Variants in ZCCHC14 observed in about 807,000 individuals in gnomAD.
ZCCHC14 encodes the protein zinc finger CCHC domain-containing protein 14.
Under a neutral mutation model 85.0 loss-of-function variants are expected in ZCCHC14, and 16 were observed. That is an observed-to-expected ratio of 0.19 (90% CI 0.13 to 0.29). ZCCHC14 has a LOEUF of 0.29. Ranked by LOEUF, ZCCHC14 falls within the 10% of genes least tolerant of loss-of-function variation. ZCCHC14 has a pLI of 1.00. For synonymous variants in ZCCHC14, 775 were observed against 630.7 expected (o/e 1.23, Z -3.43); for missense variants, 1,303 against 1,443.5 (o/e 0.90, Z 1.58).
intron 9 of ZCCHC14, 111 bp downstream of exon 9, chr16:87,415,165 G>A: frequency 3.7e-6 from 3 of 811,340 alleles, no homozygotes; most frequent in South Asian, 3.1e-5. Context: ...GACTGGATAA[G>A]CAACAGGAAC....
chr16:87,452,702 G>A (rs977659821), intron 2 of ZCCHC14, among the ~76,000 whole-genome samples: 1 of 152,174 alleles, frequency 6.6e-6, no homozygotes, highest in Non-Finnish European at 1.5e-5. Flanking sequence ...GGAGTTTGGG[G>A]CAGGGCAGTC....
chr16:87,435,283 G>A (rs1308779169), intron 2 of ZCCHC14, among the ~76,000 whole-genome samples: 1 of 152,152 alleles, frequency 6.6e-6, no homozygotes, highest in Non-Finnish European at 1.5e-5. Context: ...AAAATTAAAC[G>A]TTCAACCCCC....
intron 3 of ZCCHC14, among the ~76,000 whole-genome samples, chr16:87,424,736 G>C (rs1169610371): frequency 6.6e-6 from 1 of 152,108 alleles, no homozygotes; most frequent in African/African-American, 2.4e-5. Context: ...GCATGGAGAA[G>C]AGCTTGGGTT....
intron 2 of ZCCHC14, among the ~76,000 whole-genome samples, chr16:87,447,235 A>G (rs1303212223): frequency 2.6e-5 from 4 of 151,332 alleles, no homozygotes; most frequent in Non-Finnish European, 5.9e-5. Flanking sequence ...GGCCAGGGGG[A>G]ACTAAGCAGG....
At chr16:87,463,125 T>C (rs1911353577) in intron 1 of ZCCHC14, among the ~76,000 whole-genome samples, 1 of 152,080 alleles carries the variant, frequency 6.6e-6, no homozygotes. Flanking sequence ...TTCACACCTG[T>C]AACTCCAGCA....
intron 4 of ZCCHC14, among the ~76,000 whole-genome samples, chr16:87,421,503 C>G (rs944638253): frequency 2.0e-5 from 3 of 152,138 alleles, no homozygotes; most frequent in Non-Finnish European, 2.9e-5. Flanking sequence ...ACCCCGAAGC[C>G]CAGGCACACA....
intron 1 of ZCCHC14, among the ~76,000 whole-genome samples, chr16:87,462,833 G>C (rs1363682470): frequency 6.6e-6 from 1 of 152,158 alleles, no homozygotes; most frequent in South Asian, 2.1e-4. Context: ...ACTTTGGGAG[G>C]CCGAGGCAGG....
rs529496313 is a variant in ZCCHC14, at chr16:87,417,716, G to A, written c.1127C>T (p.Pro376Leu). 2.3e-5 allele frequency: 37 copies of A among 1,602,232 alleles called. No individual in the cohort carries two copies. Among genetic ancestry groups the A allele is most frequent in the South Asian group, 4.4e-5 (4 of 90,404 alleles). Residue 376 changes from proline to leucine, a missense_variant, in exon 8 of 13, where the codon CCG (proline) becomes CTG (leucine). Pro to Leu is a moderately conservative substitution (Grantham distance 98, BLOSUM62 -3). Around this residue, in one of 7 missense-constraint regions of ZCCHC14, gnomAD observed 389 missense variants for 397.8 expected, o/e 0.98. Transcript: ENST00000671377. ...GTGCTGGGCTCCGCTCTGCGAGGAC[G>A]GGATACCAGCCACTCCACACACAGG... is the stretch of plus-strand genomic sequence containing the variant. ...GRPVCGVAGI[P>L]SSQSGAQHHG...
intron 2 of ZCCHC14, among the ~76,000 whole-genome samples, chr16:87,439,702 T>C (rs1229917223): frequency 6.6e-6 from 1 of 152,232 alleles, no homozygotes; most frequent in African/African-American, 2.4e-5. Context: ...AAACACATCT[T>C]ACAAGTTACA....
At chr16:87,476,209 G>A (rs967568144) in intron 1 of ZCCHC14, among the ~76,000 whole-genome samples, 2 of 152,086 alleles carry the variant, frequency 1.3e-5, no homozygotes, top group Non-Finnish European at 2.9e-5. Context: ...CTACACTCCC[G>A]AAAATACTAA....
chr16:87,482,486 C>T (rs1344163476), intron 1 of ZCCHC14, among the ~76,000 whole-genome samples: 1 of 152,166 alleles, frequency 6.6e-6, no homozygotes, highest in African/African-American at 2.4e-5. Context: ...AGCCACCATC[C>T]GGGGCAGGCG....
rs371380126 is a variant in ZCCHC14, at chr16:87,447,165, T to C, written c.694+12843A>G. 3.9e-5 allele frequency among the ~76,000 whole-genome samples: 6 copies of C among 152,128 alleles called. No homozygotes were observed. The East Asian group carries it at 7.7e-4, about 20-fold the overall frequency. The stretch of plus-strand genomic sequence containing the variant: ...TTGGGGCAGAGCCTTATAAGACACA[T>C]ACATATTCTTAAAGATGGCGGAAGA... On this transcript the variant is annotated intron_variant, in intron 2 of 12. Coordinates refer to ENST00000671377, the MANE Select transcript of ZCCHC14 (RefSeq NM_015144.3).
Position 87,412,595 on chromosome 16 carries a change from A to G in ZCCHC14, c.2126T>C (p.Val709Ala). 4.3e-6 allele frequency: 7 copies of G among 1,614,198 alleles called. No homozygotes were observed. Among genetic ancestry groups the G allele is most frequent in the Non-Finnish European group, 4.2e-6 (5 of 1,180,046 alleles). Residue 709 changes from valine to alanine, a missense_variant, in exon 12 of 13, where the codon GTG becomes GCG. Around this residue, in one of 7 missense-constraint regions of ZCCHC14, gnomAD observed 797 missense variants for 730.8 expected, o/e 1.09. Coordinates refer to ENST00000671377, the MANE Select transcript of ZCCHC14 (RefSeq NM_015144.3). ...VLPASAPHQP[V>A]QVLSGLSESS... Reference sequence around the variant, plus strand: ...CTCCGAAAGCCCAGAGAGGACCTGCACAGGCTGGTGGGGTGCGGACGCGGG... The same window carrying G: ...CTCCGAAAGCCCAGAGAGGACCTGCGCAGGCTGGTGGGGTGCGGACGCGGG...
intron 1 of ZCCHC14, among the ~76,000 whole-genome samples, chr16:87,474,558 A>G (rs975484644): frequency 6.6e-6 from 1 of 152,076 alleles, no homozygotes; most frequent in Non-Finnish European, 1.5e-5. Context: ...AAAAAAACAA[A>G]CTGAACAGGA....
intron 1 of ZCCHC14, among the ~76,000 whole-genome samples, chr16:87,487,593 C>G (rs1465217846): frequency 2.6e-5 from 4 of 152,256 alleles, no homozygotes; most frequent in African/African-American, 7.2e-5. Context: ...CAGGAGCCCT[C>G]AGGACAGCCC....
intron 5 of ZCCHC14, 92 bp from the exon 6 acceptor site, chr16:87,419,969 T>C: frequency 9.1e-7 from 1 of 1,101,638 alleles, no homozygotes; most frequent in Non-Finnish European, 1.3e-6. Context: ...TCAAGAGAAA[T>C]GTGTATTAGA....
chr16:87,448,390 A>G (rs1169398906), intron 2 of ZCCHC14, among the ~76,000 whole-genome samples: 1 of 152,160 alleles, frequency 6.6e-6, no homozygotes, highest in African/African-American at 2.4e-5. Context: ...AAAAAAAACA[A>G]CAATGCGTCT....
At chr16:87,464,320 T>C (rs1223409698) in intron 1 of ZCCHC14, among the ~76,000 whole-genome samples, 1 of 151,872 alleles carries the variant, frequency 6.6e-6, no homozygotes, top group Non-Finnish European at 1.5e-5. Flanking sequence ...AAAATCAGAG[T>C]TTCTGGAAAC....
intron 1 of ZCCHC14, among the ~76,000 whole-genome samples, chr16:87,465,527 G>A (rs1047377147): frequency 8.5e-5 from 13 of 152,224 alleles, no homozygotes; most frequent in African/African-American, 2.7e-4. Flanking sequence ...AGCTGACTGA[G>A]GTTCCACAGT....
Sources: allele counts gnomAD v4.1 joint callset (sites outside exome capture counted in the v4.1 genomes callset), GRCh38; gene constraint gnomAD v4.1.1; regional missense constraint gnomAD v4.1.1; transcripts MANE v1.5; gene names NCBI Gene and HGNC (gene_info 2026-07-23, HGNC 2026-07-21).